The following APOC2 variants were observed in gnomAD, a reference collection of about 807,000 sequenced individuals.
The protein encoded by APOC2 is apolipoprotein C-II.
APOC2 carries 6 observed loss-of-function variants against 10.2 expected under a neutral mutation model. That is an observed-to-expected ratio of 0.59 (90% CI 0.32 to 1.16). The LOEUF is 1.16. APOC2 is among the 50% of genes most tolerant of loss of function. The probability of loss-of-function intolerance (pLI) is 0.05; values close to 1 mark genes in which losing one functional copy is unlikely to be tolerated. For missense variants in APOC2, 110 were observed against 117.6 expected (o/e 0.94, Z 0.30); for synonymous variants, 56 against 48.5 (o/e 1.15, Z -0.64).
chr19:44,947,178 T>C (rs1428789222), intron 1 of APOC2: 1 of 151,502 alleles, frequency 6.6e-6, no homozygotes, highest in African/African-American at 2.4e-5. Flanking sequence ...TTGTAGACCA[T>C]TTGCTTGTGT....
intron 1 of APOC2, among the ~76,000 whole-genome samples, chr19:44,946,491 C>T (rs1345627785): frequency 1.3e-5 from 2 of 152,064 alleles, no homozygotes; most frequent in Non-Finnish European, 2.9e-5. Flanking sequence ...CACCGTGTTC[C>T]AGCCTGGGTG....
Position 44,948,484 on chromosome 19 carries a change from C to T in APOC2, c.6C>T (p.Gly2=). ...GTTCCAGGTCTCTGGACACTATGGG[C>T]ACACGACTCCTCCCAGCTCTGTTTC... The part of the protein sequence containing the change: M[G]TRLLPALFLV... Residue 2 remains glycine, a synonymous_variant, in exon 2 of 4, where the codon GGC becomes GGT. Coordinates refer to ENST00000252490, the MANE Select transcript of APOC2 (RefSeq NM_000483.5). 6.2e-7 allele frequency: 1 copy of T among 1,614,030 alleles called. No individual in the cohort carries two copies. The highest frequency in any genetic ancestry group is 8.5e-7 in the Non-Finnish European group (1 of 1,179,968).
chr19:44,948,139 G>T, intron 1 of APOC2: 1 of 273,000 alleles, frequency 3.7e-6, no homozygotes, highest in Non-Finnish European at 7.3e-6. Flanking sequence ...GGGAGGCTGA[G>T]GCAGGAGAAT....
intron 1 of APOC2, among the ~76,000 whole-genome samples, chr19:44,947,534 C>A (rs1970335174): frequency 6.6e-6 from 1 of 152,196 alleles, no homozygotes; most frequent in Non-Finnish European, 1.5e-5. Context: ...GTGGCTCACA[C>A]CTGTACTCCC....
rs770758370 is a variant in APOC2, at chr19:44,949,301, C to T, written c.*52C>T. 5 of 1,467,278 alleles carry T rather than the reference C, an allele frequency of 3.4e-6. No homozygotes were observed. In the African/African-American group the frequency reaches 4.2e-5, roughly 12 times the overall value. The allele number at this position is 1,467,278 out of a possible 1,614,324, so 90.9% of individuals were successfully genotyped here. A position where few individuals can be genotyped will look rare whatever the true frequency, so the allele number is the denominator to read the frequency against. On this transcript the variant is annotated 3_prime_UTR_variant, in exon 4 of 4. Coordinates refer to ENST00000252490, the MANE Select transcript of APOC2 (RefSeq NM_000483.5). ...GGGGAGAGTCCCCTACTCCCCTGATCCCCCAGGTTCAGACTGAGCTCCCCC... is the reference window on the plus strand; with the variant it reads ...GGGGAGAGTCCCCTACTCCCCTGATTCCCCAGGTTCAGACTGAGCTCCCCC...
chr19:44,947,872 A>G (rs1970339068), intron 1 of APOC2, among the ~76,000 whole-genome samples: 1 of 152,178 alleles, frequency 6.6e-6, no homozygotes, highest in East Asian at 1.9e-4. Context: ...GTTCGAGACC[A>G]GCCTGGCCAG....
At chr19:44,947,836 A>G (rs1599991893) in intron 1 of APOC2, among the ~76,000 whole-genome samples, 1 of 151,850 alleles carries the variant, frequency 6.6e-6, no homozygotes, top group Non-Finnish European at 1.5e-5. Flanking sequence ...TTGGGAGGCC[A>G]AGGTGGGCGG....
At chr19:44,947,974 CAGA>C (rs1343613755) in intron 1 of APOC2, among the ~76,000 whole-genome samples, 11 of 152,232 alleles carry the variant, frequency 7.2e-5, no homozygotes, top group African/African-American at 2.4e-4. Context: ...GAGGCTGAGG[CAGA>C]AGAATTGCTA....
At chr19:44,947,405 T>C (rs997343413) in intron 1 of APOC2, 1 of 152,242 alleles carries the variant, frequency 6.6e-6, no homozygotes, top group African/African-American at 2.4e-5. Flanking sequence ...TCCTTAATGG[T>C]GTCTGCAGAG....
At chr19:44,948,340 G>A (rs1007093998) in intron 1 of APOC2, 126 bp from the exon 2 acceptor site, 1 of 807,608 alleles carries the variant, frequency 1.2e-6, no homozygotes, top group Non-Finnish European at 2.2e-6. Flanking sequence ...CCATGCATGG[G>A]AAACTTGACT....
intron 1 of APOC2, among the ~76,000 whole-genome samples, 157 bp downstream of exon 1, chr19:44,946,232 T>TGTGTGTGA (rs1970319111): frequency 8.3e-6 from 1 of 120,338 alleles, no homozygotes; most frequent in African/African-American, 3.1e-5. Context: ...TGTGTGTGTG[T>TGTGTGTGA]GTGAGAGAGA....
At position 44,949,278 on chromosome 19, in the gene APOC2, GGA is replaced by G. The variant is rs577523360; in HGVS notation, c.*33_*34del. 8.2e-5 allele frequency: 131 copies of G among 1,593,768 alleles called. No homozygotes were observed. The East Asian group carries it at 1.7e-3, about 21-fold the overall frequency. On this transcript the variant is annotated 3_prime_UTR_variant, in exon 4 of 4. Transcript: ENST00000252490. ...CCAGACCCCCCATCAGTGGACAAGG[GGA>G]GAGTCCCCTACTCCCCTGATCCCCC...
At chr19:44,948,590 C>A in intron 2 of APOC2, 57 bp downstream of exon 2, 1 of 1,602,764 alleles carries the variant, frequency 6.2e-7, no homozygotes, top group South Asian at 1.1e-5. Context: ...CTCCAAGCAT[C>A]TTCCCAGCCC....
At position 44,949,554 on chromosome 19, in the gene APOC2, T is replaced by C. The variant is rs1970361844; in HGVS notation, c.*305T>C. Reference sequence around the variant, plus strand: ...AGCAGTGAATAGTAACAATAAATAATCGTAACAGCAATTAGAGACTAATCT... The same window carrying C: ...AGCAGTGAATAGTAACAATAAATAACCGTAACAGCAATTAGAGACTAATCT... On this transcript the variant is annotated 3_prime_UTR_variant, in exon 4 of 4. Coordinates refer to ENST00000252490, the MANE Select transcript of APOC2 (RefSeq NM_000483.5). 3 of 388,992 alleles carry C rather than the reference T, an allele frequency of 7.7e-6. No individual in the cohort carries two copies. Among genetic ancestry groups the C allele is most frequent in the Admixed American group, 7.7e-5 (2 of 25,822 alleles). 24.1% of individuals were successfully genotyped at this position (388,992 alleles called of 1,614,324 possible).
rs750630301 is a variant in APOC2 at position 44,949,435 on chromosome 19, A to C, written c.*186A>C. The C allele has an allele frequency of 6.5e-6, 4 of 618,064 alleles. No homozygotes were observed. The highest frequency in any genetic ancestry group is 1.2e-5 in the Non-Finnish European group (4 of 344,568). 38.3% of individuals were successfully genotyped at this position (618,064 alleles called of 1,614,324 possible). On this transcript the variant is annotated 3_prime_UTR_variant, in exon 4 of 4. Coordinates refer to ENST00000252490, the MANE Select transcript of APOC2 (RefSeq NM_000483.5). ...ATGGCACTGCTTTTCTGAGGACTCA[A>C]GGGCCAAGATGGAGGGGCTGACTCA...
chr19:44,946,234 T>TGTGTGTGAGAGAGAGA (rs1236986911), intron 1 of APOC2, among the ~76,000 whole-genome samples, 159 bp downstream of exon 1: 3 of 132,908 alleles, frequency 2.3e-5, no homozygotes, highest in African/African-American at 8.9e-5. Flanking sequence ...TGTGTGTGTG[T>TGTGTGTGAGAGAGAGA]GAGAGAGAGA....
At chr19:44,948,997 G>A in intron 3 of APOC2, 137 bp downstream of exon 3, 7 of 1,259,994 alleles carry the variant, frequency 5.6e-6, no homozygotes, top group Non-Finnish European at 7.6e-6. Flanking sequence ...AGACCCAGGA[G>A]TCCAGGCCCC....
In APOC2 at chr19:44,948,721, C is replaced by A. The variant is rs1475130497; in HGVS notation, c.76C>A (p.Pro26Thr). 6.2e-7 allele frequency: 1 copy of A among 1,613,994 alleles called. No individual in the cohort carries two copies. The highest frequency in any genetic ancestry group is 8.5e-7 in the Non-Finnish European group (1 of 1,180,028). The change falls in exon 3 of 4, where the codon CCC becomes ACC. Residue 26 changes from proline to threonine, a missense_variant. Transcript: ENST00000252490. ...LGFEVQGTQQ[P>T]QQDEMPSPTF... ...TGCAGAGGTCCAGGGGACCCAACAG[C>A]CCCAGCAAGATGAGATGCCTAGCCC...
rs1970357020 is a variant in APOC2 at position 44,949,155 on chromosome 19, C to G, written c.216-4C>G. The G allele has an allele frequency of 1.9e-6, 3 of 1,613,614 alleles. No individual in the cohort carries two copies. Among genetic ancestry groups the G allele is most frequent in the Non-Finnish European group, 2.5e-6 (3 of 1,179,754 alleles). ...CCCTCTAACCATCTGTGCTTTCTCC[C>G]CAGGGACTTGTACAGCAAAAGCACA... On this transcript the variant is annotated splice_polypyrimidine_tract_variant and splice_region_variant and intron_variant, in intron 3 of 3. Coordinates refer to ENST00000252490, the MANE Select transcript of APOC2 (RefSeq NM_000483.5).
Sources: allele counts gnomAD v4.1 joint callset (sites outside exome capture counted in the v4.1 genomes callset), GRCh38; gene constraint gnomAD v4.1.1; transcripts MANE v1.5; gene names NCBI Gene and HGNC (gene_info 2026-07-23, HGNC 2026-07-21).